Variants in ASTN2 observed in about 807,000 individuals in gnomAD.
The protein encoded by ASTN2 is astrotactin-2.
In ASTN2, 54 loss-of-function variants were observed where a neutral mutation model predicts 139.8. The ratio of observed to expected loss-of-function variants is 0.39; its 90% CI spans 0.31 to 0.48. The LOEUF is 0.48. Ranked by LOEUF, ASTN2 falls within the 20% of genes least tolerant of loss-of-function variation. The pLI is 0.95. For synonymous variants in ASTN2, 756 were observed against 719.5 expected (o/e 1.05, Z -0.81); for missense variants, 1,565 against 1,725.1 (o/e 0.91, Z 1.64).
At chr9:117,172,556 T>C (rs903615292) in intron 3 of ASTN2, among the ~76,000 whole-genome samples, 9 of 152,116 alleles carry the variant, frequency 5.9e-5, no homozygotes, top group African/African-American at 1.2e-4. Context: ...CCTCACACAC[T>C]TGAGGTAATA....
At chr9:117,111,700 T>C (rs1021492810) in intron 4 of ASTN2, among the ~76,000 whole-genome samples, 3 of 152,094 alleles carry the variant, frequency 2.0e-5, no homozygotes, top group Non-Finnish European at 4.4e-5. Flanking sequence ...GCAAAGCTCA[T>C]GGAAAATCAA....
At chr9:116,743,377 C>T (rs146487723) in intron 13 of ASTN2, among the ~76,000 whole-genome samples, 2,516 of 152,238 alleles carry the variant, frequency 0.017, 74 homozygotes, top group African/African-American at 0.057. Flanking sequence ...GGTGAAACCC[C>T]GCCTCTACTA....
At chr9:116,537,935 G>A (rs1222357694) in intron 19 of ASTN2, among the ~76,000 whole-genome samples, 1 of 152,178 alleles carries the variant, frequency 6.6e-6, no homozygotes, top group African/African-American at 2.4e-5. Flanking sequence ...AACCTTCCAG[G>A]ATACTCCAGT....
intron 20 of ASTN2, among the ~76,000 whole-genome samples, chr9:116,474,344 G>A (rs1848911159): frequency 6.6e-6 from 1 of 152,192 alleles, no homozygotes; most frequent in African/African-American, 2.4e-5. Context: ...AAGAGAGAGG[G>A]TTTAGATCAG....
chr9:117,182,342 C>CAT (rs1831094881), intron 3 of ASTN2, among the ~76,000 whole-genome samples: 1 of 151,440 alleles, frequency 6.6e-6, no homozygotes, highest in Non-Finnish European at 1.5e-5. Context: ...CACACACACA[C>CAT]ACAAACACAT....
intron 1 of ASTN2, among the ~76,000 whole-genome samples, chr9:117,329,848 G>A (rs1302188043): frequency 5.9e-5 from 9 of 152,142 alleles, no homozygotes; most frequent in Non-Finnish European, 1.3e-4. Context: ...TAATAGACAT[G>A]ACTGCCATTG....
intron 4 of ASTN2, among the ~76,000 whole-genome samples, chr9:117,126,006 A>G (rs1195983844): frequency 6.6e-6 from 1 of 152,156 alleles, no homozygotes; most frequent in East Asian, 1.9e-4. Flanking sequence ...GCATTTTTCC[A>G]TCATGGAATT....
intron 11 of ASTN2, among the ~76,000 whole-genome samples, chr9:116,828,859 C>T (rs1373294180): frequency 6.6e-6 from 1 of 152,098 alleles, no homozygotes; most frequent in East Asian, 1.9e-4. Context: ...AAATCAGTAG[C>T]ATTTCTATAC....
chr9:116,850,730 T>C (rs1478608553), intron 11 of ASTN2, among the ~76,000 whole-genome samples: 3 of 152,150 alleles, frequency 2.0e-5, no homozygotes, highest in African/African-American at 4.8e-5. Flanking sequence ...AGATGTAACA[T>C]TTTAAAATGA....
chr9:116,653,836 C>A (rs1858058106), intron 16 of ASTN2, among the ~76,000 whole-genome samples: 1 of 152,200 alleles, frequency 6.6e-6, no homozygotes, highest in Admixed American at 6.5e-5. Context: ...TGGCTGTCAG[C>A]AAATGCTTAT....
intron 13 of ASTN2, among the ~76,000 whole-genome samples, chr9:116,774,533 T>A (rs1168783702): frequency 2.0e-5 from 3 of 152,138 alleles, no homozygotes; most frequent in Non-Finnish European, 1.5e-5. Flanking sequence ...CATTTAATCC[T>A]CTTATCAGAT....
In ASTN2 at chr9:117,141,370, C is replaced by A. The variant is rs761710154; in HGVS notation, c.1124G>T (p.Arg375Leu). The A allele has an allele frequency of 4.4e-6, 6 of 1,367,408 alleles. No individual in the cohort carries two copies. The African/African-American group carries it at 5.9e-5, about 13-fold the overall frequency. The allele number at this position is 1,367,408 out of a possible 1,614,324, so 84.7% of individuals were successfully genotyped here. A position where few individuals can be genotyped will look rare whatever the true frequency, so the allele number is the denominator to read the frequency against. ...CTTCCTCTTCCCTGCCGATGTGCTG[C>A]GCAGGGGTGGTTGCAGCTGACCGAT... Reference protein sequence around the residue: ...IEIGQLQPPLRSTSAGKRKRR... With the variant: ...IEIGQLQPPLLSTSAGKRKRR... Residue 375 changes from arginine (R) to leucine (L), a missense_variant, in exon 4 of 23, where the codon CGC becomes CTC. By Grantham distance (102) the Arg-to-Leu change is moderately radical. Around this residue, in one of 4 missense-constraint regions of ASTN2, gnomAD observed 596 missense variants for 576.8 expected, o/e 1.03. Coordinates refer to ENST00000313400, the MANE Select transcript of ASTN2 (RefSeq NM_001365068.1).
intron 3 of ASTN2, among the ~76,000 whole-genome samples, chr9:117,208,062 C>T (rs1231184768): frequency 6.6e-6 from 1 of 152,126 alleles, no homozygotes; most frequent in Non-Finnish European, 1.5e-5. Context: ...TTTTCTACCA[C>T]ATGCTAAGAA....
chr9:116,671,098 A>G (rs1859169541), intron 16 of ASTN2, among the ~76,000 whole-genome samples: 1 of 152,202 alleles, frequency 6.6e-6, no homozygotes, highest in African/African-American at 2.4e-5. Context: ...TATAAAGGCC[A>G]GTAAAAAATT....
At chr9:117,189,297 G>C (rs1487322473) in intron 3 of ASTN2, among the ~76,000 whole-genome samples, 1 of 152,102 alleles carries the variant, frequency 6.6e-6, no homozygotes, top group Non-Finnish European at 1.5e-5. Context: ...AACATATTTA[G>C]CAATCTCCTA....
intron 10 of ASTN2, among the ~76,000 whole-genome samples, chr9:116,934,065 G>A (rs1834996594): frequency 6.7e-6 from 1 of 148,882 alleles, no homozygotes; most frequent in Non-Finnish European, 1.5e-5. Flanking sequence ...GGGCACTTGG[G>A]GGCTCAGGCA....
chr9:116,641,639 C>T lies in ASTN2; in HGVS notation c.3072+9889G>A, dbSNP rs549692528. On this transcript the variant is annotated intron_variant, in intron 17 of 22. Coordinates refer to ENST00000313400, the MANE Select transcript of ASTN2 (RefSeq NM_001365068.1). ...GCATGTAATAACTAATTCAATGTCC[C>T]ATGGAAAAAAAATATTCTCTGACAT... 2.5e-3 allele frequency among the ~76,000 whole-genome samples: 383 copies of T among 152,084 alleles called. 2 individuals are homozygous for T. The highest frequency in any genetic ancestry group is 0.014 in the South Asian group (69 of 4,814).
At chr9:117,114,166 CTTTT>C (rs748137558) in intron 4 of ASTN2, among the ~76,000 whole-genome samples, 12,207 of 140,764 alleles carry the variant, frequency 0.087, 822 homozygotes, top group East Asian at 0.2. Context: ...GAACATTAGT[CTTTT>C]TTTTTTTTAA....
intron 5 of ASTN2, among the ~76,000 whole-genome samples, chr9:117,050,435 C>G (rs10513281): frequency 0.15 from 23,545 of 151,998 alleles, 1,968 homozygotes; most frequent in African/African-American, 0.18. Context: ...ACTGAATACA[C>G]AACCAACGTT....
Sources: gnomAD v4.1 joint callset for allele counts (sites outside exome capture counted in the v4.1 genomes callset) on GRCh38, gnomAD v4.1.1 for gene constraint, gnomAD v4.1.1 regional missense constraint, MANE v1.5 for transcripts, NCBI Gene and HGNC (gene_info 2026-07-23, HGNC 2026-07-21) for gene names.